Variants in PRKN observed in about 807,000 individuals in gnomAD.
PRKN encodes parkin RBR E3 ubiquitin protein ligase.
Under a neutral mutation model 59.5 loss-of-function variants are expected in PRKN, and 56 were observed. The observed-to-expected ratio is 0.94, with a 90% CI of 0.76 to 1.18. The LOEUF (loss-of-function observed/expected upper bound fraction) is 1.18. Ranked by LOEUF, PRKN falls within the 50% of genes most tolerant of loss-of-function variation. PRKN has a pLI of 0.00. For missense variants in PRKN, 657 were observed against 596.4 expected (o/e 1.10, Z -1.06); for synonymous variants, 250 against 222.1 (o/e 1.13, Z -1.12).
At chr6:162,411,786 G>C (rs1289804198) in intron 2 of PRKN, among the ~76,000 whole-genome samples, 1 of 151,872 alleles carries the variant, frequency 6.6e-6, no homozygotes, top group Admixed American at 6.6e-5. Flanking sequence ...ACCTTTCAAG[G>C]GCCACCGTCT....
At chr6:162,075,600 GACTATCTTGACCACTGGTCAACA>G (rs143844324) in intron 4 of PRKN, among the ~76,000 whole-genome samples, 17,439 of 151,886 alleles carry the variant, frequency 0.11, 1,097 homozygotes, top group African/African-American at 0.14. Flanking sequence ...AATCTGGGCT[GACTATCTTGACCACTGGTCAACA>G]ACTATCTTGA....
chr6:161,636,428 CCT>C (rs1435228201), intron 7 of PRKN, among the ~76,000 whole-genome samples: 3 of 152,210 alleles, frequency 2.0e-5, no homozygotes, highest in African/African-American at 4.8e-5. Flanking sequence ...GATATAATCC[CCT>C]GTCTTTCAGG....
intron 7 of PRKN, among the ~76,000 whole-genome samples, chr6:161,659,931 A>G (rs1020180380): frequency 6.6e-6 from 1 of 152,170 alleles, no homozygotes; most frequent in Admixed American, 6.5e-5. Context: ...CCGAGTTCAT[A>G]CAGTCAGAGT....
At chr6:162,451,808 A>C (rs1265146602) in intron 1 of PRKN, among the ~76,000 whole-genome samples, 1 of 152,198 alleles carries the variant, frequency 6.6e-6, no homozygotes, top group Non-Finnish European at 1.5e-5. Context: ...AGAATGGGGC[A>C]GAAAAATTTT....
chr6:162,262,555 T>G lies in PRKN; in HGVS notation c.382A>C (p.Arg128=). The part of the protein sequence containing the change: ...GLAVILHTDS[R]KDSPPAGSPA... Reference sequence around the variant, plus strand: ...CTTCCAGCTGGTGGTGAGTCCTTCCTGCTGTCAGTGTGCAGAATGACAGCC... The same window carrying G: ...CTTCCAGCTGGTGGTGAGTCCTTCCGGCTGTCAGTGTGCAGAATGACAGCC... The change falls in exon 3 of 12, where the codon AGG becomes CGG. Residue 128 remains arginine (R), a synonymous_variant. Transcript: ENST00000366898. 3 of 1,614,070 alleles carry G rather than the reference T, an allele frequency of 1.9e-6. No homozygotes were observed. The African/African-American group carries it at 4.0e-5, about 22-fold the overall frequency.
intron 3 of PRKN, among the ~76,000 whole-genome samples, chr6:162,217,533 T>C (rs948436729): frequency 6.6e-6 from 1 of 151,986 alleles, no homozygotes; most frequent in Non-Finnish European, 1.5e-5. Flanking sequence ...TACAGGCGTG[T>C]GCCACCACAC....
intron 7 of PRKN, among the ~76,000 whole-genome samples, chr6:161,684,441 C>A (rs1385616976): frequency 6.6e-6 from 1 of 152,074 alleles, no homozygotes; most frequent in African/African-American, 2.4e-5. Flanking sequence ...TCAATCACTG[C>A]CCACTATTCA....
At chr6:162,687,524 G>A (rs568385111) in intron 1 of PRKN, among the ~76,000 whole-genome samples, 2 of 152,050 alleles carry the variant, frequency 1.3e-5, no homozygotes, top group African/African-American at 4.8e-5. Context: ...ATGGAATAAA[G>A]CCAGATAAAT....
intron 6 of PRKN, among the ~76,000 whole-genome samples, chr6:161,972,754 G>A (rs191086582): frequency 5.9e-5 from 9 of 152,198 alleles, no homozygotes; most frequent in East Asian, 1.9e-4. Flanking sequence ...ATTCCTGGCC[G>A]GGTGCAGTGG....
Position 161,372,680 on chromosome 6 carries a change from A to G in PRKN, c.1168-12475T>C, listed in dbSNP as rs1203828703. Among the ~76,000 whole-genome samples the G allele has an allele frequency of 6.6e-6, 1 of 152,142 alleles. No homozygotes were observed. The highest frequency in any genetic ancestry group is 1.5e-5 in the Non-Finnish European group (1 of 68,038). On this transcript the variant is annotated intron_variant, in intron 10 of 11. Coordinates refer to ENST00000366898, the MANE Select transcript of PRKN (RefSeq NM_004562.3). The surrounding 1 kb of genome is among the most constrained non-coding windows in gnomAD (Gnocchi z 4.2). ...TCCCCCACTACCCCTCTGGGTCTGA[A>G]TCCATAGGTCTGGGATTGCGCTCAA...
chr6:162,037,445 ACACACACACG>A (rs1783890580), intron 5 of PRKN, among the ~76,000 whole-genome samples: 1 of 152,148 alleles, frequency 6.6e-6, no homozygotes, highest in Non-Finnish European at 1.5e-5. Context: ...ATGTGTACAC[ACACACACACG>A]CACATGGAAA....
At chr6:161,896,884 G>A (rs1777647979) in intron 6 of PRKN, among the ~76,000 whole-genome samples, 2 of 152,178 alleles carry the variant, frequency 1.3e-5, no homozygotes, top group South Asian at 2.1e-4. Context: ...AATATTCAGA[G>A]GACAGAAGAA....
chr6:161,580,295 T>C (rs777140345), intron 7 of PRKN, among the ~76,000 whole-genome samples: 4 of 152,188 alleles, frequency 2.6e-5, no homozygotes, highest in Non-Finnish European at 5.9e-5. Flanking sequence ...TTGCTATCCA[T>C]GTTTTGCAGT....
intron 9 of PRKN, among the ~76,000 whole-genome samples, chr6:161,392,147 C>A (rs1186873314): frequency 6.6e-6 from 1 of 151,900 alleles, no homozygotes; most frequent in Non-Finnish European, 1.5e-5. Flanking sequence ...CCGTCTTGGC[C>A]AAGCTGGTCT....
chr6:161,684,138 A>C (rs1785470478), intron 7 of PRKN, among the ~76,000 whole-genome samples: 2 of 152,220 alleles, frequency 1.3e-5, no homozygotes, highest in African/African-American at 4.8e-5. Context: ...GATGTTGGAC[A>C]GTTATTCTTG....
chr6:161,904,019 G>T (rs555077835), intron 6 of PRKN, among the ~76,000 whole-genome samples: 89 of 151,966 alleles, frequency 5.9e-4, no homozygotes, highest in Admixed American at 1.1e-3. Flanking sequence ...CTTCACACAG[G>T]GTTGGCCCAG....
intron 7 of PRKN, among the ~76,000 whole-genome samples, chr6:161,590,035 C>A (rs1781662039): frequency 6.6e-6 from 1 of 151,896 alleles, no homozygotes; most frequent in Non-Finnish European, 1.5e-5. Context: ...ATGATCCACG[C>A]ACCTTGGCTT....
chr6:162,209,257 C>T (rs530110276), intron 3 of PRKN, among the ~76,000 whole-genome samples: 28 of 152,172 alleles, frequency 1.8e-4, no homozygotes, highest in African/African-American at 6.7e-4. Flanking sequence ...ATGAAAAAAA[C>T]AAGCAACCCC....
intron 1 of PRKN, among the ~76,000 whole-genome samples, chr6:162,633,811 G>C (rs1583949244): frequency 6.6e-6 from 1 of 152,232 alleles, no homozygotes; most frequent in African/African-American, 2.4e-5. Context: ...GGAGGAACGT[G>C]TGTAGCTAGA....
Sources: gnomAD v4.1 joint callset for allele counts (sites outside exome capture counted in the v4.1 genomes callset) on GRCh38, gnomAD v4.1.1 for gene constraint, Gnocchi (gnomAD v3.1) non-coding constraint, MANE v1.5 for transcripts, NCBI Gene and HGNC (gene_info 2026-07-23, HGNC 2026-07-21) for gene names.